The following TFCP2 variants were observed in gnomAD, a reference collection of about 807,000 sequenced individuals.
TFCP2 encodes the protein transcription factor CP2, also known as alpha-globin transcription factor CP2.
Under a neutral mutation model 73.4 loss-of-function variants are expected in TFCP2, and 33 were observed. The ratio of observed to expected loss-of-function variants is 0.45; its 90% CI spans 0.34 to 0.60. TFCP2 has a LOEUF of 0.60. TFCP2 is among the 20% of genes least tolerant of loss of function. The probability of loss-of-function intolerance (pLI) is 0.01; values close to 1 mark genes in which losing one functional copy is unlikely to be tolerated. For missense variants in TFCP2, 352 were observed against 604.0 expected (o/e 0.58, Z 4.37); for synonymous variants, 193 against 211.6 (o/e 0.91, Z 0.76).
intron 1 of TFCP2, among the ~76,000 whole-genome samples, chr12:51,166,256 G>C (rs1941756903): frequency 6.6e-6 from 1 of 151,856 alleles, no homozygotes; most frequent in South Asian, 2.1e-4. Context: ...CAGTTGCAGT[G>C]AGCTGAGACC....
intron 1 of TFCP2, among the ~76,000 whole-genome samples, chr12:51,134,191 T>C (rs1218672977): frequency 2.0e-5 from 3 of 152,230 alleles, no homozygotes; most frequent in Admixed American, 6.5e-5. Flanking sequence ...GTAAGCCATT[T>C]TATATTCAGA....
At chr12:51,118,515 A>G (rs1940587398) in intron 2 of TFCP2, 106 bp downstream of exon 2, 4 of 1,376,598 alleles carry the variant, frequency 2.9e-6, no homozygotes, top group Admixed American at 4.2e-5. Flanking sequence ...AGATGGCGCC[A>G]CTACACTCCA....
chr12:51,110,889 A>C lies in TFCP2; in HGVS notation c.552T>G (p.Ser184=), dbSNP rs763519306. Residue 184 remains serine (S), a synonymous_variant, in exon 5 of 15, where the codon TCT becomes TCG. Transcript: ENST00000257915. ...TGCAACGCCTTACCTGAATAAACACAGATGTCCTCTTTGCAGGGTCCCACA... is the reference window on the plus strand; with the variant it reads ...TGCAACGCCTTACCTGAATAAACACCGATGTCCTCTTTGCAGGGTCCCACA... The part of the protein sequence containing the change: ...EFLWDPAKRT[S]VFIQVHCIST... The C allele has an allele frequency of 6.2e-7, 1 of 1,612,908 alleles. No homozygotes were observed. Among genetic ancestry groups the C allele is most frequent in the African/African-American group, 1.3e-5 (1 of 75,030 alleles).
At chr12:51,125,343 C>T in intron 1 of TFCP2, 1 of 503,448 alleles carries the variant, frequency 2.0e-6, no homozygotes, top group Admixed American at 2.2e-5. Context: ...GCAGAGTTCA[C>T]AGGTCTCCTG....
At chr12:51,157,613 G>T (rs1190060699) in intron 1 of TFCP2, among the ~76,000 whole-genome samples, 1 of 151,346 alleles carries the variant, frequency 6.6e-6, no homozygotes, top group Non-Finnish European at 1.5e-5. Context: ...CATTTCTGTG[G>T]AATTGAGGGT....
At chr12:51,106,174 C>A (rs1429063692) in intron 8 of TFCP2, among the ~76,000 whole-genome samples, 1 of 152,080 alleles carries the variant, frequency 6.6e-6, no homozygotes, top group Admixed American at 6.5e-5. Context: ...CTGTCTGGTG[C>A]AAGTATGATC....
chr12:51,117,973 GA>G (rs1406385564), intron 2 of TFCP2, among the ~76,000 whole-genome samples: 2 of 152,114 alleles, frequency 1.3e-5, no homozygotes, highest in Admixed American at 6.5e-5. Flanking sequence ...CCATTTTACA[GA>G]CAAAGAAATT....
intron 5 of TFCP2, among the ~76,000 whole-genome samples, chr12:51,109,709 T>C (rs796428130): frequency 4.1e-4 from 47 of 115,940 alleles, no homozygotes; most frequent in African/African-American, 1.4e-3. Context: ...AGTCTAAGAT[T>C]GGTGAATTTT....
At chr12:51,118,540 G>A (rs567278518) in intron 2 of TFCP2, 81 bp downstream of exon 2, 81 of 1,526,838 alleles carry the variant, frequency 5.3e-5, no homozygotes, top group Admixed American at 1.1e-4. Flanking sequence ...GGGTGACGCC[G>A]TCTCAAAACA....
chr12:51,155,804 G>T (rs537547046), intron 1 of TFCP2, among the ~76,000 whole-genome samples: 1 of 152,204 alleles, frequency 6.6e-6, no homozygotes, highest in Non-Finnish European at 1.5e-5. Flanking sequence ...CACTTTGGGA[G>T]GCCAAGGTGG....
At chr12:51,102,902 CT>C (rs11452863) in intron 10 of TFCP2, among the ~76,000 whole-genome samples, 229 of 142,080 alleles carry the variant, frequency 1.6e-3, no homozygotes, top group Non-Finnish European at 1.5e-3. Flanking sequence ...TGTTTCGGTG[CT>C]TTTTTTTTTT....
intron 1 of TFCP2, among the ~76,000 whole-genome samples, chr12:51,138,983 A>G (rs1424669071): frequency 6.6e-6 from 1 of 152,248 alleles, no homozygotes; most frequent in Non-Finnish European, 1.5e-5. Context: ...TAAAATGGCC[A>G]GCAAATTCCC....
intron 13 of TFCP2, among the ~76,000 whole-genome samples, chr12:51,097,493 G>A (rs951729774): frequency 8.6e-5 from 13 of 151,996 alleles, no homozygotes; most frequent in South Asian, 2.1e-4. Context: ...TGATCCACCC[G>A]TCTCAGCCTC....
chr12:51,159,535 C>CGA (rs1373866620), intron 1 of TFCP2, among the ~76,000 whole-genome samples: 1 of 151,908 alleles, frequency 6.6e-6, no homozygotes, highest in African/African-American at 2.4e-5. Flanking sequence ...GACGGGGTTT[C>CGA]ACCACATTGG....
At chr12:51,141,917 A>C (rs1216696031) in intron 1 of TFCP2, among the ~76,000 whole-genome samples, 2 of 149,164 alleles carry the variant, frequency 1.3e-5, no homozygotes, top group African/African-American at 4.9e-5. Flanking sequence ...AAAAAAAAAA[A>C]AAAAAAACCA....
chr12:51,117,548 C>A, intron 3 of TFCP2, 123 bp downstream of exon 3: 1 of 704,714 alleles, frequency 1.4e-6, no homozygotes, highest in South Asian at 1.9e-5. Flanking sequence ...CAACAAATTA[C>A]TGCAGGCAAG....
intron 14 of TFCP2, among the ~76,000 whole-genome samples, chr12:51,095,522 G>A (rs1316284931): frequency 6.6e-6 from 1 of 151,918 alleles, no homozygotes; most frequent in Non-Finnish European, 1.5e-5. Flanking sequence ...GAAGAGAATG[G>A]CAAAAAGCTG....
At chr12:51,109,486 C>G (rs1381837209) in intron 5 of TFCP2, among the ~76,000 whole-genome samples, 2 of 152,146 alleles carry the variant, frequency 1.3e-5, no homozygotes, top group Non-Finnish European at 1.5e-5. Flanking sequence ...AAGTACAGAT[C>G]TAATGCTAAC....
intron 1 of TFCP2, chr12:51,125,503 C>T (rs1443778066): frequency 1.4e-5 from 5 of 360,008 alleles, no homozygotes; most frequent in African/African-American, 8.6e-5. Context: ...CCTCTCCCAG[C>T]CTTGTAAGAA....
Sources: gnomAD v4.1 joint callset for allele counts (sites outside exome capture counted in the v4.1 genomes callset) on GRCh38, gnomAD v4.1.1 for gene constraint, MANE v1.5 for transcripts, NCBI Gene and HGNC (gene_info 2026-07-23, HGNC 2026-07-21) for gene names.